The following ABCA6 variants were observed in gnomAD, a reference collection of about 807,000 sequenced individuals.
ABCA6 encodes ATP-binding cassette sub-family A member 6.
A neutral mutation model predicts 191.2 loss-of-function variants in ABCA6; 164 were observed. The observed-to-expected ratio is 0.86, with a 90% CI of 0.76 to 0.98. The LOEUF is 0.98. ABCA6 is among the 50% of genes least tolerant of loss of function. The probability of loss-of-function intolerance (pLI) is 0.00; values close to 1 mark genes in which losing one functional copy is unlikely to be tolerated. For synonymous variants in ABCA6, 636 were observed against 647.7 expected, an observed-to-expected ratio of 0.98 and a Z score of 0.27; for missense variants, 1,958 against 1,894.1, an observed-to-expected ratio of 1.03 and a Z score of -0.63.
At chr17:69,087,875 T>G (rs965344495) in intron 28 of ABCA6, among the ~76,000 whole-genome samples, 1 of 152,196 alleles carries the variant, frequency 6.6e-6, no homozygotes. Context: ...CTAAATCGAT[T>G]CCTTCCCATC....
At position 69,122,349 on chromosome 17, in the gene ABCA6, T is replaced by C. The variant is rs757314803; in HGVS notation, c.1436+890A>G. The stretch of plus-strand genomic sequence containing the variant: ...TCCATTAACTTTGTACCAAACTTTG[T>C]AGAAAAATCTACAAAGCTATTTTGA... On this transcript the variant is annotated intron_variant, in intron 10 of 38. Transcript: ENST00000284425. Among the ~76,000 whole-genome samples the C allele has an allele frequency of 2.0e-5, 3 of 152,116 alleles. No homozygotes were observed. The East Asian group carries it at 5.8e-4, about 29-fold the overall frequency.
At chr17:69,130,265 T>C (rs192546866) in intron 6 of ABCA6, among the ~76,000 whole-genome samples, 2 of 151,684 alleles carry the variant, frequency 1.3e-5, no homozygotes, top group East Asian at 3.9e-4. Flanking sequence ...TTCAGTGAGC[T>C]GTGATCATGC....
intron 36 of ABCA6, 28 bp downstream of exon 36, chr17:69,082,845 T>C (rs1238030837): frequency 6.2e-7 from 1 of 1,613,738 alleles, no homozygotes; most frequent in Non-Finnish European, 8.5e-7. Context: ...ACCCTCCATA[T>C]TTCTCCATAA....
intron 6 of ABCA6, among the ~76,000 whole-genome samples, chr17:69,130,500 A>G (rs139846141): frequency 6.6e-6 from 1 of 152,294 alleles, no homozygotes; most frequent in Non-Finnish European, 1.5e-5. Context: ...AGATGTCTTT[A>G]TCAATCAACA....
chr17:69,105,802 A>G (rs1461462044), intron 19 of ABCA6, 174 bp from the exon 20 acceptor site: 17 of 705,852 alleles, frequency 2.4e-5, no homozygotes, highest in Non-Finnish European at 3.7e-5. Context: ...AGGCATTACT[A>G]TATAAACACC....
At chr17:69,103,440 C>T (rs1013495347) in intron 20 of ABCA6, among the ~76,000 whole-genome samples, 30 of 152,014 alleles carry the variant, frequency 2.0e-4, no homozygotes, top group Admixed American at 1.3e-3. Context: ...TAAACATTTA[C>T]GTACATATTC....
At chr17:69,123,124 T>C in intron 10 of ABCA6, 115 bp downstream of exon 10, 1 of 542,540 alleles carries the variant, frequency 1.8e-6, no homozygotes, top group Non-Finnish European at 2.6e-6. Context: ...GTAACAAACA[T>C]GCACGTTGTG....
chr17:69,106,132 C>A lies in ABCA6; in HGVS notation c.2469G>T (p.Met823Ile). ...MELAHSSFSEMQTAVSDMGLW... is the reference protein window; with the variant it reads ...MELAHSSFSEIQTAVSDMGLW... ...GGCCCATGTCACTCACAGCTGTCTG[C>A]ATTTCAGAGAAGGAAGAGTGAGCCA... Residue 823 changes from methionine (M) to isoleucine (I), a missense_variant, in exon 19 of 39, where the codon ATG becomes ATT. Physicochemically the swap from Met to Ile is conservative, Grantham distance 10. Coordinates refer to ENST00000284425, the MANE Select transcript of ABCA6 (RefSeq NM_080284.3). The A allele has an allele frequency of 1.2e-6, 2 of 1,613,930 alleles. No individual in the cohort carries two copies. Among genetic ancestry groups the A allele is most frequent in the Non-Finnish European group, 1.7e-6 (2 of 1,179,886 alleles).
In ABCA6 at chr17:69,136,169, A is replaced by G; in HGVS notation, c.383T>C (p.Ile128Thr). 1 of 1,605,590 alleles carries G rather than the reference A, an allele frequency of 6.2e-7. No individual in the cohort carries two copies. Among genetic ancestry groups the G allele is most frequent in the Non-Finnish European group, 8.5e-7 (1 of 1,174,952 alleles). The part of the protein sequence containing the change: ...LENLPYAMGI[I>T]FNETFSYKLI... Reference sequence around the variant, plus strand: ...CTTATAAGAGAAAGTTTCATTAAAGATGATTCCCATAGCATATGGTAAATT... The same window carrying G: ...CTTATAAGAGAAAGTTTCATTAAAGGTGATTCCCATAGCATATGGTAAATT... The change falls in exon 4 of 39, where the codon ATC becomes ACC. Residue 128 changes from isoleucine (I) to threonine (T), a missense_variant. Ile to Thr is a moderately conservative substitution (Grantham distance 89). Coordinates refer to ENST00000284425, the MANE Select transcript of ABCA6 (RefSeq NM_080284.3).
chr17:69,139,742 A>G (rs1249730802), intron 2 of ABCA6, among the ~76,000 whole-genome samples: 1 of 152,142 alleles, frequency 6.6e-6, no homozygotes, highest in Non-Finnish European at 1.5e-5. Flanking sequence ...TGTGACACAT[A>G]TACACCATGG....
intron 9 of ABCA6, among the ~76,000 whole-genome samples, chr17:69,124,683 A>C (rs1404190028): frequency 3.3e-5 from 5 of 151,994 alleles, no homozygotes; most frequent in Non-Finnish European, 1.5e-5. Flanking sequence ...TAATTATAAT[A>C]TATTGCTATA....
At position 69,085,134 on chromosome 17, in the gene ABCA6, G is replaced by C. The variant is rs182377176; in HGVS notation, c.4078C>G (p.Pro1360Ala). 61 of 1,612,800 alleles carry C rather than the reference G, an allele frequency of 3.8e-5. No individual in the cohort carries two copies. In the East Asian group the frequency reaches 6.5e-4, roughly 17 times the overall value. The stretch of plus-strand genomic sequence containing the variant: ...ATGGGCCACAGCACGTTCTCTTGAG[G>C]GCAGTACCCCAGGTGGCCCAAAACT... ...SSVLGHLGYC[P>A]QENVLWPMLT... is the part of the protein sequence containing the mutation. The change falls in exon 32 of 39, where the codon CCT (proline) becomes GCT (alanine). Residue 1360 changes from proline (P) to alanine (A), a missense_variant. Physicochemically the swap from Pro to Ala is conservative, Grantham distance 27 (BLOSUM62 -1). Transcript: ENST00000284425.
intron 13 of ABCA6, 118 bp downstream of exon 13, chr17:69,114,644 C>G (rs751840294): frequency 1.0e-4 from 100 of 961,178 alleles, no homozygotes; most frequent in Non-Finnish European, 1.4e-4. Context: ...TGTTATGGGA[C>G]CTCTTTGCCT....
intron 2 of ABCA6, among the ~76,000 whole-genome samples, 181 bp downstream of exon 2, chr17:69,140,427 C>G (rs2074009479): frequency 1.3e-5 from 2 of 151,960 alleles, no homozygotes; most frequent in Admixed American, 6.6e-5. Context: ...ATGAGGAATT[C>G]TTTTAGTCTT....
chr17:69,124,431 T>C lies in ABCA6; in HGVS notation c.1267+457A>G, dbSNP rs1364520864. On this transcript the variant is annotated intron_variant, in intron 9 of 38. Coordinates refer to ENST00000284425, the MANE Select transcript of ABCA6 (RefSeq NM_080284.3). ...TTTAACTGGGCGATCAATATACTTCTGTAAATATGAACAATATATAAAACA... is the reference window on the plus strand; with the variant it reads ...TTTAACTGGGCGATCAATATACTTCCGTAAATATGAACAATATATAAAACA... 2.0e-5 allele frequency among the ~76,000 whole-genome samples: 3 copies of C among 152,010 alleles called. No individual in the cohort carries two copies. The East Asian group carries it at 5.8e-4, about 29-fold the overall frequency.
In ABCA6 at chr17:69,106,175, C is replaced by G; in HGVS notation, c.2426G>C (p.Ser809Thr). ...GTGAGCCAGCTCCATTTCATTGAGGCTTTCTGAGTCTCTTATCATCTCCAC... is the reference window on the plus strand; with the variant it reads ...GTGAGCCAGCTCCATTTCATTGAGGGTTTCTGAGTCTCTTATCATCTCCAC... Reference protein sequence around the residue: ...EQVEMIRDSESLNEMELAHSS... With the variant: ...EQVEMIRDSETLNEMELAHSS... The change falls in exon 19 of 39, where the codon AGC becomes ACC. Residue 809 changes from serine to threonine, a missense_variant. Coordinates refer to ENST00000284425, the MANE Select transcript of ABCA6 (RefSeq NM_080284.3). 1 of 1,613,332 alleles carries G rather than the reference C, an allele frequency of 6.2e-7. No homozygotes were observed. Among genetic ancestry groups the G allele is most frequent in the South Asian group, 1.1e-5 (1 of 90,944 alleles).
At chr17:69,134,842 C>T (rs1485910965) in intron 4 of ABCA6, 100 bp from the exon 5 acceptor site, 1 of 735,356 alleles carries the variant, frequency 1.4e-6, no homozygotes, top group East Asian at 3.1e-5. Flanking sequence ...GGAGACTCTA[C>T]CAGTAAACTT....
At chr17:69,136,815 CT>C (rs374411820) in intron 3 of ABCA6, among the ~76,000 whole-genome samples, 64 of 152,186 alleles carry the variant, frequency 4.2e-4, no homozygotes, top group African/African-American at 1.4e-3. Flanking sequence ...AGAATAAAGA[CT>C]TTTAAAGATG....
intron 26 of ABCA6, among the ~76,000 whole-genome samples, 166 bp downstream of exon 26, chr17:69,090,977 T>A (rs2072908926): frequency 6.6e-6 from 1 of 152,228 alleles, no homozygotes; most frequent in Non-Finnish European, 1.5e-5. Context: ...TGTGCAAGCA[T>A]CACCACGATT....
Sources: gnomAD v4.1 joint callset for allele counts (sites outside exome capture counted in the v4.1 genomes callset) on GRCh38, gnomAD v4.1.1 for gene constraint, MANE v1.5 for transcripts, NCBI Gene and HGNC (gene_info 2026-07-23, HGNC 2026-07-21) for gene names.